The following ATP10B variants were observed in gnomAD, a reference collection of about 807,000 sequenced individuals.
ATP10B encodes phospholipid-transporting ATPase VB.
In ATP10B, 122 loss-of-function variants were observed where a neutral mutation model predicts 141.2. The ratio of observed to expected loss-of-function variants is 0.86; its 90% CI spans 0.75 to 1.00. The LOEUF is 1.00. Among genes scored for constraint, ATP10B ranks in the 50% least tolerant of loss-of-function variants. The pLI is 0.00. For synonymous variants in ATP10B, 685 were observed against 692.0 expected (o/e 0.99, Z 0.16); for missense variants, 1,876 against 1,825.3 (o/e 1.03, Z -0.51).
chr5:160,571,448 A>G (rs1195324413), intron 24 of ATP10B, among the ~76,000 whole-genome samples: 1 of 152,152 alleles, frequency 6.6e-6, no homozygotes, highest in Non-Finnish European at 1.5e-5. Flanking sequence ...AGATATTTTA[A>G]AGCTTATTCT....
At chr5:160,909,426 A>G in the ATP10B span, among the ~76,000 whole-genome samples, 1 of 152,288 alleles carries the variant, frequency 6.6e-6, no homozygotes, top group Middle Eastern at 3.4e-3. Flanking sequence ...TTTCTCCATC[A>G]TGTATGCCAT....
At chr5:160,870,994 T>TACAGGAGAAATTATTCTTCAAAAAC in the ATP10B span, among the ~76,000 whole-genome samples, 1 of 152,300 alleles carries the variant, frequency 6.6e-6, no homozygotes, top group African/African-American at 2.4e-5. Flanking sequence ...TCTTCAAAAA[T>TACAGGAGAAATTATTCTTCAAAAAC]ACAGGAGAAA....
chr5:160,777,433 G>C (rs1330179576), intron 2 of ATP10B, among the ~76,000 whole-genome samples: 1 of 152,214 alleles, frequency 6.6e-6, no homozygotes, highest in African/African-American at 2.4e-5. Flanking sequence ...GCTTCCCACA[G>C]CTGCACTGGG....
intron 1 of ATP10B, among the ~76,000 whole-genome samples, chr5:160,787,303 A>C (rs1771240110): frequency 1.3e-5 from 2 of 152,178 alleles, no homozygotes; most frequent in African/African-American, 4.8e-5. Context: ...GGGTTCAGGC[A>C]GGGCACATTT....
chr5:160,885,321 A>C, the ATP10B span, among the ~76,000 whole-genome samples: 1 of 152,378 alleles, frequency 6.6e-6, no homozygotes, highest in East Asian at 1.9e-4. Flanking sequence ...AGCACCCTGC[A>C]TGGCCCAGAT....
At chr5:160,912,824 C>A in the ATP10B span, among the ~76,000 whole-genome samples, 1 of 152,214 alleles carries the variant, frequency 6.6e-6, no homozygotes, top group African/African-American at 2.4e-5. Flanking sequence ...GCATGCCACA[C>A]TTTCCTGTGT....
chr5:160,619,620 G>A (rs1241414088), intron 15 of ATP10B, among the ~76,000 whole-genome samples: 1 of 152,178 alleles, frequency 6.6e-6, no homozygotes, highest in African/African-American at 2.4e-5. Context: ...AGCTTGGCTG[G>A]AATCTACTAT....
chr5:160,595,484 A>T (rs1256883302), intron 22 of ATP10B, among the ~76,000 whole-genome samples: 2 of 152,202 alleles, frequency 1.3e-5, no homozygotes, highest in Admixed American at 6.5e-5. Context: ...TAAAAGAACT[A>T]GAGAAGCAAG....
At chr5:160,639,948 A>G (rs966956099) in intron 10 of ATP10B, among the ~76,000 whole-genome samples, 3 of 152,228 alleles carry the variant, frequency 2.0e-5, no homozygotes, top group African/African-American at 4.8e-5. Flanking sequence ...AGAAGCACAC[A>G]ACCTAGATCC....
Position 160,577,521 on chromosome 5 carries a change from T to C in ATP10B, c.3751-7838A>G, listed in dbSNP as rs115564022. On this transcript the variant is annotated intron_variant, in intron 24 of 25. Transcript: ENST00000327245. ...AATTACTGCTCCTACTTAAGACAGA[T>C]CATTATTGATTTTCTGGGGCTGGAG... 4.6e-3 allele frequency among the ~76,000 whole-genome samples: 704 copies of C among 152,280 alleles called. 3 individuals carry two copies. The highest frequency in any genetic ancestry group is 0.016 in the African/African-American group (679 of 41,548).
chr5:160,756,641 GTTTA>G (rs1012229844), intron 2 of ATP10B, among the ~76,000 whole-genome samples: 1 of 151,566 alleles, frequency 6.6e-6, no homozygotes, highest in African/African-American at 2.4e-5. Context: ...CTTTTCATGT[GTTTA>G]TTTGCCATCC....
At chr5:160,571,388 T>C (rs1173248692) in intron 24 of ATP10B, among the ~76,000 whole-genome samples, 2 of 152,212 alleles carry the variant, frequency 1.3e-5, no homozygotes, top group Admixed American at 1.3e-4. Flanking sequence ...AAATTTTCTA[T>C]TGATTTTTCA....
chr5:160,817,916 T>A (rs1238898535), intron 1 of ATP10B, among the ~76,000 whole-genome samples: 1 of 152,174 alleles, frequency 6.6e-6, no homozygotes, highest in Non-Finnish European at 1.5e-5. Flanking sequence ...CCCTATTTAA[T>A]AAATGGTGCT....
chr5:160,686,668 C>T (rs1306385618), intron 5 of ATP10B, among the ~76,000 whole-genome samples: 1 of 152,088 alleles, frequency 6.6e-6, no homozygotes, highest in Non-Finnish European at 1.5e-5. Context: ...GAATGGAAAA[C>T]CATCTAGATT....
At chr5:160,785,311 G>T (rs118117317) in intron 2 of ATP10B, among the ~76,000 whole-genome samples, 1 of 152,104 alleles carries the variant, frequency 6.6e-6, no homozygotes, top group Non-Finnish European at 1.5e-5. Context: ...GTCCTATGTT[G>T]TCTGGGGAAT....
chr5:160,676,441 G>A (rs764960270), intron 6 of ATP10B, among the ~76,000 whole-genome samples: 1 of 152,160 alleles, frequency 6.6e-6, no homozygotes, highest in Non-Finnish European at 1.5e-5. Context: ...ACATGACGGT[G>A]CACATCTTGT....
chr5:160,874,795 T>G, the ATP10B span, among the ~76,000 whole-genome samples: 591 of 149,144 alleles, frequency 4.0e-3, 4 homozygotes, highest in African/African-American at 0.014. Flanking sequence ...CAATGGAAGA[T>G]GAAATGAATG....
At chr5:160,678,783 T>C (rs1302582117) in intron 6 of ATP10B, among the ~76,000 whole-genome samples, 2 of 152,216 alleles carry the variant, frequency 1.3e-5, no homozygotes. Flanking sequence ...CCATTTTATA[T>C]AGGTTGAAAT....
intron 16 of ATP10B, among the ~76,000 whole-genome samples, chr5:160,616,311 T>C (rs1757995197): frequency 6.6e-6 from 1 of 152,124 alleles, no homozygotes; most frequent in Admixed American, 6.5e-5. Flanking sequence ...ATGAGTGATA[T>C]GAGAAAGTGT....
Sources: allele counts gnomAD v4.1 joint callset (sites outside exome capture counted in the v4.1 genomes callset), GRCh38; gene constraint gnomAD v4.1.1; transcripts MANE v1.5; gene names NCBI Gene and HGNC (gene_info 2026-07-23, HGNC 2026-07-21).